The following CSMD1 variants were observed in gnomAD, a reference collection of about 807,000 sequenced individuals.
The protein encoded by CSMD1 is CUB and sushi domain-containing protein 1.
A neutral mutation model predicts 417.5 loss-of-function variants in CSMD1; 213 were observed. The observed-to-expected ratio is 0.51, with a 90% CI of 0.46 to 0.57. CSMD1 has a LOEUF of 0.57. CSMD1 is among the 20% of genes least tolerant of loss of function. CSMD1 has a pLI of 0.00. For missense variants in CSMD1, 6,923 were observed against 4,529.7 expected (o/e 1.53, Z -15.17); for synonymous variants, 2,862 against 1,736.8 (o/e 1.65, Z -16.11).
At chr8:4,088,212 T>G (rs1427096248) in intron 3 of CSMD1, among the ~76,000 whole-genome samples, 1 of 152,206 alleles carries the variant, frequency 6.6e-6, no homozygotes, top group African/African-American at 2.4e-5. Flanking sequence ...TAAAGATGAC[T>G]GATCTCTGCC....
intron 50 of CSMD1, among the ~76,000 whole-genome samples, chr8:3,041,002 A>T (rs773775535): frequency 6.6e-6 from 1 of 152,170 alleles, no homozygotes; most frequent in Non-Finnish European, 1.5e-5. Flanking sequence ...TCTCTGCCTA[A>T]TATTGCAAAG....
intron 12 of CSMD1, among the ~76,000 whole-genome samples, chr8:3,422,212 G>T (rs1232748806): frequency 6.6e-6 from 1 of 152,082 alleles, no homozygotes; most frequent in African/African-American, 2.4e-5. Flanking sequence ...ACCATGAAGG[G>T]GCTGCTGTTT....
chr8:4,326,110 A>T (rs1312542977), intron 3 of CSMD1, among the ~76,000 whole-genome samples: 1 of 152,194 alleles, frequency 6.6e-6, no homozygotes, highest in Non-Finnish European at 1.5e-5. Context: ...ATCAGAGCTC[A>T]GGGCCCTACC....
chr8:3,597,449 G>C (rs573847455), intron 8 of CSMD1, among the ~76,000 whole-genome samples: 2 of 141,908 alleles, frequency 1.4e-5, no homozygotes, highest in Non-Finnish European at 3.0e-5. Context: ...CCAAGACCTA[G>C]AGAAGTTATT....
chr8:4,913,698 T>G (rs7822589), intron 1 of CSMD1, among the ~76,000 whole-genome samples: 2,039 of 152,284 alleles, frequency 0.013, 41 homozygotes, highest in African/African-American at 0.045. Context: ...TTTTCCTGAC[T>G]ACAATTAATC....
intron 3 of CSMD1, among the ~76,000 whole-genome samples, chr8:4,298,814 C>T (rs1431151821): frequency 6.6e-6 from 1 of 151,548 alleles, no homozygotes; most frequent in African/African-American, 2.4e-5. Flanking sequence ...ATACATGTAC[C>T]CTAGAACTTA....
intron 10 of CSMD1, among the ~76,000 whole-genome samples, chr8:3,504,875 G>A (rs1396517051): frequency 1.3e-5 from 2 of 152,176 alleles, no homozygotes; most frequent in Non-Finnish European, 2.9e-5. Flanking sequence ...AGTGGCAAAT[G>A]TGGCAAGGAA....
rs368044427 is a variant in CSMD1, at chr8:3,454,267, A to G, written c.1561+14445T>C. Among the ~76,000 whole-genome samples, 3 of 152,188 alleles carry G rather than the reference A, an allele frequency of 2.0e-5. No individual in the cohort carries two copies. The East Asian group carries it at 5.8e-4, about 29-fold the overall frequency. The stretch of plus-strand genomic sequence containing the variant: ...CTGATGGGTCTTGACTCTTTATCCA[A>G]TTTGCCAGTCTGTGTCTTTTAATTG... On this transcript the variant is annotated intron_variant, in intron 12 of 69. Coordinates refer to ENST00000635120, the MANE Select transcript of CSMD1 (RefSeq NM_033225.6).
chr8:4,196,594 T>C (rs1031838252), intron 3 of CSMD1, among the ~76,000 whole-genome samples: 1 of 152,188 alleles, frequency 6.6e-6, no homozygotes, highest in Non-Finnish European at 1.5e-5. Flanking sequence ...TCTGGGGTCA[T>C]AGCCTTCTTT....
At chr8:3,877,571 C>G (rs1002260744) in intron 5 of CSMD1, among the ~76,000 whole-genome samples, 7 of 152,196 alleles carry the variant, frequency 4.6e-5, no homozygotes, top group African/African-American at 1.7e-4. Flanking sequence ...AAAATGAGCT[C>G]TTCAGGGTTA....
chr8:3,785,798 T>G (rs1261009505), intron 5 of CSMD1, among the ~76,000 whole-genome samples: 1 of 152,186 alleles, frequency 6.6e-6, no homozygotes, highest in East Asian at 1.9e-4. Flanking sequence ...AGGTCCAGGC[T>G]GCGGAAGAGC....
chr8:4,285,639 G>A (rs1210370278), intron 3 of CSMD1, among the ~76,000 whole-genome samples: 1 of 152,210 alleles, frequency 6.6e-6, no homozygotes. Flanking sequence ...GAATAGCACA[G>A]ATGGTTGGTC....
chr8:3,770,817 G>A (rs1798526430), intron 5 of CSMD1, among the ~76,000 whole-genome samples: 1 of 152,004 alleles, frequency 6.6e-6, no homozygotes, highest in Admixed American at 6.6e-5. Flanking sequence ...TATATATTTA[G>A]CAGCTGACCT....
At chr8:4,115,821 A>C (rs1802104704) in intron 3 of CSMD1, among the ~76,000 whole-genome samples, 1 of 152,108 alleles carries the variant, frequency 6.6e-6, no homozygotes, top group Non-Finnish European at 1.5e-5. Context: ...TCAGTAAAAA[A>C]AAAGCCAATC....
intron 12 of CSMD1, among the ~76,000 whole-genome samples, chr8:3,422,339 A>T (rs1211418621): frequency 6.6e-6 from 1 of 152,142 alleles, no homozygotes; most frequent in Admixed American, 6.5e-5. Context: ...GGAAAAAATG[A>T]GCCAGAAGTT....
intron 7 of CSMD1, among the ~76,000 whole-genome samples, chr8:3,619,194 T>C (rs182022385): frequency 6.6e-6 from 1 of 151,930 alleles, no homozygotes; most frequent in African/African-American, 2.4e-5. Flanking sequence ...GGGAAAAAAA[T>C]AAAAACAAAA....
At chr8:3,055,302 A>T (rs749603570) in intron 49 of CSMD1, among the ~76,000 whole-genome samples, 2 of 152,178 alleles carry the variant, frequency 1.3e-5, no homozygotes, top group East Asian at 3.9e-4. Flanking sequence ...AACCCATTTT[A>T]TGTTGCCTGA....
chr8:4,861,678 A>G (rs1275502609), intron 1 of CSMD1, among the ~76,000 whole-genome samples: 1 of 152,132 alleles, frequency 6.6e-6, no homozygotes, highest in African/African-American at 2.4e-5. Flanking sequence ...CCACATAACA[A>G]CACAGTGATC....
At chr8:4,226,067 G>GAC (rs67767005) in intron 3 of CSMD1, among the ~76,000 whole-genome samples, 7,439 of 143,490 alleles carry the variant, frequency 0.052, 276 homozygotes, top group East Asian at 0.18. Flanking sequence ...CTGACAGGCG[G>GAC]ACACACACAC....
Sources: gnomAD v4.1 joint callset for allele counts (sites outside exome capture counted in the v4.1 genomes callset) on GRCh38, gnomAD v4.1.1 for gene constraint, MANE v1.5 for transcripts, NCBI Gene and HGNC (gene_info 2026-07-23, HGNC 2026-07-21) for gene names.